Variants in COPS3 observed in about 807,000 individuals in gnomAD.
COPS3 encodes the protein COP9 signalosome subunit 3.
COPS3 carries 10 observed loss-of-function variants against 58.2 expected under a neutral mutation model. That is an observed-to-expected ratio of 0.17 (90% CI 0.11 to 0.29). The LOEUF (loss-of-function observed/expected upper bound fraction) is 0.29. COPS3 is among the 10% of genes least tolerant of loss of function. The pLI is 1.00. For missense variants in COPS3, 333 were observed against 510.1 expected, an observed-to-expected ratio of 0.65 and a Z score of 3.34; for synonymous variants, 187 against 181.7, an observed-to-expected ratio of 1.03 and a Z score of -0.24.
At chr17:17,260,179 G>A (rs912730832) in intron 8 of COPS3, 122 bp downstream of exon 8, 5 of 966,516 alleles carry the variant, frequency 5.2e-6, no homozygotes, top group Admixed American at 4.5e-5. Context: ...TTCTCTCTCA[G>A]CACAGAAATC....
chr17:17,249,441 A>G (rs937082749), intron 9 of COPS3, among the ~76,000 whole-genome samples: 1 of 152,116 alleles, frequency 6.6e-6, no homozygotes, highest in African/African-American at 2.4e-5. Context: ...CTCCTGCCTC[A>G]GCCTCCCAAG....
At chr17:17,260,273 T>C in intron 8 of COPS3, 28 bp downstream of exon 8, 2 of 1,607,914 alleles carry the variant, frequency 1.2e-6, no homozygotes, top group Non-Finnish European at 8.5e-7. Flanking sequence ...GGTCAGGAGC[T>C]GCCCTGTGAA....
intron 4 of COPS3, among the ~76,000 whole-genome samples, chr17:17,270,026 T>C (rs1039247514): frequency 1.3e-5 from 2 of 151,970 alleles, no homozygotes; most frequent in African/African-American, 4.8e-5. Context: ...CGTGGCAGCA[T>C]GCACCTGTAG....
At position 17,271,028 on chromosome 17, in the gene COPS3, A is replaced by G. The variant is rs148764962; in HGVS notation, c.186-20T>C. 874 of 1,524,086 alleles carry G rather than the reference A, an allele frequency of 5.7e-4. 2 individuals are homozygous for G. In the African/African-American group the frequency reaches 0.011, roughly 19 times the overall value. 94.4% of individuals were successfully genotyped at this position (1,524,086 alleles called of 1,614,324 possible). On this transcript the variant is annotated intron_variant, in intron 2 of 11. Coordinates refer to ENST00000268717, the MANE Select transcript of COPS3 (RefSeq NM_003653.4). ...ACAAACCTAGAATAAGGAGAAAAGAATCAAATTACCCTGATAGTTCATGGG... is the reference window on the plus strand; with the variant it reads ...ACAAACCTAGAATAAGGAGAAAAGAGTCAAATTACCCTGATAGTTCATGGG...
Position 17,247,207 on chromosome 17 carries a change from G to A in COPS3, c.1219-56C>T, listed in dbSNP as rs1046139635. 29 of 1,543,146 alleles carry A rather than the reference G, an allele frequency of 1.9e-5. No homozygotes were observed. The East Asian group carries it at 3.8e-4, about 20-fold the overall frequency. On this transcript the variant is annotated intron_variant, in intron 11 of 11. Transcript: ENST00000268717. Reference sequence around the variant, plus strand: ...TGTTTGCTTTTATCAAGGGTTCCCCGGCAGCCCAATAAGCACACCAGTTGC... The same window carrying A: ...TGTTTGCTTTTATCAAGGGTTCCCCAGCAGCCCAATAAGCACACCAGTTGC...
At chr17:17,278,146 G>A (rs892870622) in intron 1 of COPS3, among the ~76,000 whole-genome samples, 21 of 151,880 alleles carry the variant, frequency 1.4e-4, no homozygotes, top group African/African-American at 5.1e-4. Flanking sequence ...GCAAGACTCC[G>A]TTTCGGGGGA....
chr17:17,280,685 C>T, intron 1 of COPS3: 1 of 1,290,568 alleles, frequency 7.7e-7, no homozygotes, highest in South Asian at 1.3e-5. Context: ...AGCCAAGACA[C>T]CCAGAACGGA....
intron 1 of COPS3, chr17:17,280,718 C>A (rs960671623): frequency 2.4e-6 from 3 of 1,264,996 alleles, no homozygotes; most frequent in South Asian, 1.3e-5. Context: ...CCGCTCCCGG[C>A]GGCCTAGTCA....
chr17:17,264,994 T>C lies in COPS3; in HGVS notation c.442-13A>G. The C allele has an allele frequency of 6.2e-7, 1 of 1,602,970 alleles. No individual in the cohort carries two copies. The highest frequency in any genetic ancestry group is 8.5e-7 in the Non-Finnish European group (1 of 1,177,526). The stretch of plus-strand genomic sequence containing the variant: ...CTAGCAAACAAAGCTGTGAACAAAT[T>C]GATATTAAATCATCACTTTAATTTT... On this transcript the variant is annotated splice_polypyrimidine_tract_variant and intron_variant, in intron 5 of 11. Transcript: ENST00000268717.
At chr17:17,278,177 T>C (rs781606292) in intron 1 of COPS3, among the ~76,000 whole-genome samples, 3 of 152,004 alleles carry the variant, frequency 2.0e-5, no homozygotes, top group Non-Finnish European at 4.4e-5. Flanking sequence ...TAGGCCTGAA[T>C]TGGTACCTTT....
chr17:17,277,953 G>A (rs2048495386), intron 1 of COPS3, among the ~76,000 whole-genome samples: 1 of 152,096 alleles, frequency 6.6e-6, no homozygotes, highest in Admixed American at 6.6e-5. Context: ...GGCCAACATG[G>A]TGAAACCCTG....
At chr17:17,272,815 T>C (rs928162490) in intron 2 of COPS3, among the ~76,000 whole-genome samples, 2 of 152,132 alleles carry the variant, frequency 1.3e-5, no homozygotes, top group Non-Finnish European at 1.5e-5. Context: ...GGTGGGAGGA[T>C]TGCTTGAGCC....
chr17:17,274,797 T>C (rs948020806), intron 2 of COPS3, among the ~76,000 whole-genome samples: 1 of 151,764 alleles, frequency 6.6e-6, no homozygotes, highest in Non-Finnish European at 1.5e-5. Flanking sequence ...TTACAACCAA[T>C]GCCTTAATAG....
At chr17:17,263,513 T>TTC (rs1303562949) in intron 6 of COPS3, among the ~76,000 whole-genome samples, 690 of 37,266 alleles carry the variant, frequency 0.019, 5 homozygotes, top group African/African-American at 0.052. Flanking sequence ...GCCTTTTCTT[T>TTC]TTTTTTTTTT....
chr17:17,266,750 G>T (rs961582628), intron 5 of COPS3, among the ~76,000 whole-genome samples: 1 of 151,518 alleles, frequency 6.6e-6, no homozygotes, highest in Admixed American at 6.6e-5. Flanking sequence ...AGTGAGCCTA[G>T]ATCATGCCAC....
chr17:17,270,700 T>C, intron 4 of COPS3, 58 bp downstream of exon 4: 1 of 1,395,406 alleles, frequency 7.2e-7, no homozygotes, highest in Non-Finnish European at 9.9e-7. Context: ...AGTAATTCAT[T>C]GTGTAAGCTA....
At chr17:17,273,293 A>G (rs147443227) in intron 2 of COPS3, among the ~76,000 whole-genome samples, 227 of 152,326 alleles carry the variant, frequency 1.5e-3, no homozygotes, top group African/African-American at 5.1e-3. Context: ...AATTAAAATT[A>G]AAGATTCAGG....
intron 2 of COPS3, among the ~76,000 whole-genome samples, chr17:17,273,846 T>G (rs2048403193): frequency 1.3e-5 from 2 of 152,124 alleles, no homozygotes. Context: ...AACAAGACCT[T>G]GTCCCCCCAA....
Position 17,246,966 on chromosome 17 carries a change from G to A in COPS3, c.*132C>T. ...TGGTTTTCTGAAAGCACACAGGACT[G>A]AAGATGTCAAAACAAAACTTAATTT... On this transcript the variant is annotated 3_prime_UTR_variant, in exon 12 of 12. Coordinates refer to ENST00000268717, the MANE Select transcript of COPS3 (RefSeq NM_003653.4). 1 of 796,176 alleles carries A rather than the reference G, an allele frequency of 1.3e-6. No individual in the cohort carries two copies. Among genetic ancestry groups the A allele is most frequent in the Non-Finnish European group, 2.2e-6 (1 of 449,570 alleles). The allele number at this position is 796,176 out of a possible 1,614,324, so 49.3% of individuals were successfully genotyped here.
Sources: allele counts gnomAD v4.1 joint callset (sites outside exome capture counted in the v4.1 genomes callset), GRCh38; gene constraint gnomAD v4.1.1; transcripts MANE v1.5; gene names NCBI Gene and HGNC (gene_info 2026-07-23, HGNC 2026-07-21).